RABGAP1L: variants seen among roughly 807,000 people sequenced by gnomAD.
The protein encoded by RABGAP1L is rab GTPase-activating protein 1-like.
In RABGAP1L, 63 loss-of-function variants were observed where a neutral mutation model predicts 137.7. That is an observed-to-expected ratio of 0.46 (90% CI 0.37 to 0.56). The LOEUF (loss-of-function observed/expected upper bound fraction) is 0.56, where lower values mean the gene tolerates loss of function less well. Ranked by LOEUF, RABGAP1L falls within the 20% of genes least tolerant of loss-of-function variation. The probability of loss-of-function intolerance (pLI) is 0.00; values close to 1 mark genes in which losing one functional copy is unlikely to be tolerated. For synonymous variants in RABGAP1L, 431 were observed against 433.7 expected, an observed-to-expected ratio of 0.99 and a Z score of 0.08; for missense variants, 1,095 against 1,244.0, an observed-to-expected ratio of 0.88 and a Z score of 1.80.
intron 13 of RABGAP1L, among the ~76,000 whole-genome samples, chr1:174,452,254 G>A (rs1008153040): frequency 1.3e-5 from 2 of 152,080 alleles, no homozygotes; most frequent in Non-Finnish European, 2.9e-5. Context: ...TTTCCTAAGG[G>A]TTCTATTATT....
At chr1:174,616,473 A>G (rs546423097) in intron 13 of RABGAP1L, among the ~76,000 whole-genome samples, 3 of 152,344 alleles carry the variant, frequency 2.0e-5, no homozygotes, top group East Asian at 3.9e-4. Context: ...AGTGCCTACT[A>G]AAGTCTCAGG....
intron 8 of RABGAP1L, among the ~76,000 whole-genome samples, chr1:174,274,370 A>T (rs1422443696): frequency 6.6e-6 from 1 of 152,146 alleles, no homozygotes; most frequent in Non-Finnish European, 1.5e-5. Context: ...TAAGATTATA[A>T]TGTATTTTTA....
At chr1:174,434,410 T>G (rs1653024430) in intron 13 of RABGAP1L, among the ~76,000 whole-genome samples, 1 of 152,222 alleles carries the variant, frequency 6.6e-6, no homozygotes, top group Non-Finnish European at 1.5e-5. Flanking sequence ...TTTTGGCTAT[T>G]TCATTTTTAT....
chr1:174,360,283 T>C (rs1247854979), intron 11 of RABGAP1L, among the ~76,000 whole-genome samples: 4 of 152,152 alleles, frequency 2.6e-5, no homozygotes, highest in Non-Finnish European at 5.9e-5. Context: ...TGCATACTTA[T>C]AAGAGATTAG....
intron 7 of RABGAP1L, among the ~76,000 whole-genome samples, chr1:174,265,196 G>A (rs916964425): frequency 1.1e-4 from 16 of 152,054 alleles, no homozygotes; most frequent in African/African-American, 2.9e-4. Context: ...ATTAGCACCC[G>A]TTTATTTTGA....
chr1:174,410,633 G>A (rs772889964), intron 13 of RABGAP1L, among the ~76,000 whole-genome samples: 14 of 152,020 alleles, frequency 9.2e-5, no homozygotes, highest in Non-Finnish European at 2.1e-4. Flanking sequence ...ATGCTGTTTT[G>A]GTTACTGTAG....
In RABGAP1L at chr1:174,533,478, TTCC is replaced by T. The variant is rs202042314; in HGVS notation, c.1711-103885_1711-103883del. ...GAGACAACAAGAACAATCCCTCCTC[TTCC>T]TCCTCCTCCTCAGCCTACTCAGTGT... On this transcript the variant is annotated intron_variant, in intron 13 of 25. Transcript: ENST00000681986. 6.9e-3 allele frequency among the ~76,000 whole-genome samples: 1,053 copies of T among 152,146 alleles called. 9 individuals are homozygous for T. Among genetic ancestry groups the T allele is most frequent in the African/African-American group, 0.023 (973 of 41,520 alleles).
At chr1:174,860,902 A>G (rs754508557) in intron 19 of RABGAP1L, among the ~76,000 whole-genome samples, 1 of 152,098 alleles carries the variant, frequency 6.6e-6, no homozygotes, top group Non-Finnish European at 1.5e-5. Flanking sequence ...CCAATACCCC[A>G]TATAGTTAAT....
At chr1:174,672,102 A>C (rs928378196) in intron 14 of RABGAP1L, among the ~76,000 whole-genome samples, 17 of 151,998 alleles carry the variant, frequency 1.1e-4, no homozygotes, top group Admixed American at 1.1e-3. Flanking sequence ...AAGTTATCTA[A>C]TTCGTTGGCA....
intron 20 of RABGAP1L, among the ~76,000 whole-genome samples, chr1:174,966,056 C>T (rs1186350714): frequency 6.6e-6 from 1 of 152,198 alleles, no homozygotes; most frequent in African/African-American, 2.4e-5. Flanking sequence ...AGTGAAGTAG[C>T]TACCTGGTAT....
At chr1:174,629,385 A>T (rs989162771) in intron 13 of RABGAP1L, among the ~76,000 whole-genome samples, 1 of 152,218 alleles carries the variant, frequency 6.6e-6, no homozygotes, top group Non-Finnish European at 1.5e-5. Flanking sequence ...TGGATCAGTG[A>T]CTAATGTAGC....
At chr1:174,657,426 T>C (rs560372199) in intron 14 of RABGAP1L, among the ~76,000 whole-genome samples, 5 of 152,328 alleles carry the variant, frequency 3.3e-5, no homozygotes, top group Admixed American at 1.3e-4. Flanking sequence ...GCTTCTAGTA[T>C]CCTCTATTCT....
chr1:174,486,230 T>G (rs558286205), intron 13 of RABGAP1L, among the ~76,000 whole-genome samples: 1 of 149,634 alleles, frequency 6.7e-6, no homozygotes, highest in African/African-American at 2.4e-5. Flanking sequence ...TTTCTTTTTT[T>G]TTTTTTTTTG....
At chr1:174,637,330 C>G (rs1674140590) in intron 13 of RABGAP1L, 45 bp from the exon 14 acceptor site, 3 of 1,355,270 alleles carry the variant, frequency 2.2e-6, no homozygotes, top group Non-Finnish European at 3.1e-6. Context: ...TATTTCATAA[C>G]TGGGAAAAAA....
At position 174,761,257 on chromosome 1, in the gene RABGAP1L, T is replaced by C. The variant is rs1685195484; in HGVS notation, c.2211+8903T>C. On this transcript the variant is annotated intron_variant, in intron 18 of 25. Coordinates refer to ENST00000681986, the MANE Select transcript of RABGAP1L (RefSeq NM_001366446.1). This position sits in a 1 kb window ranked among gnomAD's most constrained non-coding sequence, Gnocchi z 4.0. Reference sequence around the variant, plus strand: ...TTTTTAATTTAAAAGTAAACTTTAATGTCAAAAATGCAAACTTGAGGAGGC... The same window carrying C: ...TTTTTAATTTAAAAGTAAACTTTAACGTCAAAAATGCAAACTTGAGGAGGC... Among the ~76,000 whole-genome samples, 1 of 152,246 alleles carries C rather than the reference T, an allele frequency of 6.6e-6. No homozygotes were observed. The highest frequency in any genetic ancestry group is 1.5e-5 in the Non-Finnish European group (1 of 68,044).
At chr1:174,293,329 T>C (rs1408720128) in intron 10 of RABGAP1L, among the ~76,000 whole-genome samples, 1 of 152,180 alleles carries the variant, frequency 6.6e-6, no homozygotes, top group Non-Finnish European at 1.5e-5. Context: ...GGCTCTTGGC[T>C]GGTAAAATTC....
chr1:174,846,360 A>G (rs926142625), intron 19 of RABGAP1L, among the ~76,000 whole-genome samples: 1 of 151,310 alleles, frequency 6.6e-6, no homozygotes, highest in African/African-American at 2.4e-5. Flanking sequence ...TCTTGTGGGC[A>G]TTTAGTGCTA....
intron 17 of RABGAP1L, among the ~76,000 whole-genome samples, chr1:174,714,843 C>G (rs1680872096): frequency 6.6e-6 from 1 of 152,108 alleles, no homozygotes; most frequent in South Asian, 2.1e-4. Context: ...TAAAAGATCT[C>G]TAAGTATTTC....
At chr1:174,419,734 T>G (rs1651033447) in intron 13 of RABGAP1L, among the ~76,000 whole-genome samples, 1 of 152,240 alleles carries the variant, frequency 6.6e-6, no homozygotes. Context: ...TAAGTTATTT[T>G]TTCTTAATTT....
Sources: gnomAD v4.1 joint callset for allele counts (sites outside exome capture counted in the v4.1 genomes callset) on GRCh38, gnomAD v4.1.1 for gene constraint, Gnocchi (gnomAD v3.1) non-coding constraint, MANE v1.5 for transcripts, NCBI Gene and HGNC (gene_info 2026-07-23, HGNC 2026-07-21) for gene names.